The following UNC13C variants were observed in gnomAD, a reference collection of about 807,000 sequenced individuals.
UNC13C encodes the protein unc-13 homolog C.
In UNC13C, 174 loss-of-function variants were observed where a neutral mutation model predicts 245.4. The observed-to-expected ratio is 0.71, with a 90% CI of 0.63 to 0.80. UNC13C has a LOEUF of 0.80. Ranked by LOEUF, UNC13C falls within the 30% of genes least tolerant of loss-of-function variation. UNC13C has a pLI of 0.00. For synonymous variants in UNC13C, 992 were observed against 895.1 expected, an observed-to-expected ratio of 1.11 and a Z score of -1.93; for missense variants, 2,829 against 2,602.9, an observed-to-expected ratio of 1.09 and a Z score of -1.89.
chr15:53,966,220 C>G, the UNC13C span, among the ~76,000 whole-genome samples: 1 of 152,226 alleles, frequency 6.6e-6, no homozygotes, highest in East Asian at 1.9e-4. Context: ...AACCTACTGG[C>G]TTGATTAAAT....
At chr15:54,578,462 T>C (rs924171442) in intron 30 of UNC13C, among the ~76,000 whole-genome samples, 29 of 152,226 alleles carry the variant, frequency 1.9e-4, no homozygotes, top group Admixed American at 5.2e-4. Context: ...AGAATCCCTG[T>C]TTCCTGACTT....
intron 10 of UNC13C, among the ~76,000 whole-genome samples, chr15:54,287,867 A>G (rs2037189155): frequency 6.6e-6 from 1 of 152,180 alleles, no homozygotes; most frequent in South Asian, 2.1e-4. Flanking sequence ...TTCTACATGT[A>G]TGTTTACTTT....
At chr15:54,067,058 TA>T (rs1160555011) in intron 2 of UNC13C, among the ~76,000 whole-genome samples, 3 of 152,182 alleles carry the variant, frequency 2.0e-5, no homozygotes, top group Non-Finnish European at 4.4e-5. Flanking sequence ...CTCATGCTGA[TA>T]TTTTTTAATG....
intron 13 of UNC13C, 90 bp downstream of exon 13, chr15:54,300,463 A>C: frequency 8.0e-7 from 1 of 1,243,170 alleles, no homozygotes; most frequent in Non-Finnish European, 1.1e-6. Flanking sequence ...ATTCAAATGA[A>C]ACTGATTAAA....
At chr15:54,242,599 T>G (rs903911392) in intron 7 of UNC13C, among the ~76,000 whole-genome samples, 3 of 152,168 alleles carry the variant, frequency 2.0e-5, no homozygotes, top group Non-Finnish European at 2.9e-5. Context: ...TTCATTTATT[T>G]ATGCTCTTGT....
intron 6 of UNC13C, 78 bp downstream of exon 6, chr15:54,236,513 G>A (rs2035704986): frequency 2.7e-6 from 3 of 1,121,588 alleles, no homozygotes; most frequent in Non-Finnish European, 3.9e-6. Context: ...TGGGGTAAAA[G>A]AGGGCAAGAA....
intron 2 of UNC13C, among the ~76,000 whole-genome samples, chr15:54,113,806 A>G (rs999228782): frequency 7.9e-5 from 12 of 152,194 alleles, no homozygotes; most frequent in African/African-American, 2.9e-4. Flanking sequence ...AGCCTGGGCA[A>G]CAGAGTGAGA....
intron 2 of UNC13C, among the ~76,000 whole-genome samples, chr15:54,048,347 T>G (rs916983978): frequency 1.3e-5 from 2 of 152,224 alleles, no homozygotes; most frequent in Admixed American, 1.3e-4. Context: ...CTCCAAAAAC[T>G]TTTCTTTTGA....
intron 10 of UNC13C, among the ~76,000 whole-genome samples, chr15:54,276,500 G>T (rs2036835712): frequency 6.6e-6 from 1 of 151,982 alleles, no homozygotes; most frequent in East Asian, 1.9e-4. Context: ...TGGCATTAAT[G>T]GTTTACAGTG....
chr15:53,904,970 C>G, the UNC13C span, among the ~76,000 whole-genome samples: 2 of 151,998 alleles, frequency 1.3e-5, no homozygotes, highest in Admixed American at 6.6e-5. Context: ...TTAAATCTCT[C>G]TAAGGAAAAT....
rs2035738291 is a variant in UNC13C at position 54,237,649 on chromosome 15, C to T, written c.3187C>T (p.Leu1063=). 6.2e-7 allele frequency: 1 copy of T among 1,612,442 alleles called. No individual in the cohort carries two copies. The highest frequency in any genetic ancestry group is 1.3e-5 in the African/African-American group (1 of 74,868). ...TLAARKSGLS[L]AMVIRTSLNN... ...GGCTGCCCGGAAATCTGGACTCTCC[C>T]TGGCTATGGTGATTAGGACATCCCT... The change falls in exon 7 of 33, where the codon CTG becomes TTG. Residue 1063 remains leucine (L), a synonymous_variant. Coordinates refer to ENST00000260323, the MANE Select transcript of UNC13C (RefSeq NM_001080534.3).
the UNC13C span, among the ~76,000 whole-genome samples, chr15:53,841,646 A>C: frequency 1.3e-5 from 2 of 152,194 alleles, no homozygotes. Flanking sequence ...GTAGCTGAGG[A>C]ATAGAAAGTT....
At chr15:54,109,106 T>G (rs948414605) in intron 2 of UNC13C, among the ~76,000 whole-genome samples, 21 of 152,282 alleles carry the variant, frequency 1.4e-4, no homozygotes, top group Admixed American at 3.9e-4. Context: ...ATGACAGACG[T>G]TTCCTATTTG....
intron 2 of UNC13C, among the ~76,000 whole-genome samples, chr15:54,034,756 G>C (rs73416908): frequency 0.022 from 3,326 of 152,218 alleles, 121 homozygotes; most frequent in South Asian, 0.13. Context: ...AGATAATTTT[G>C]ACTACATGAT....
chr15:54,506,047 A>G (rs546160361), intron 22 of UNC13C, among the ~76,000 whole-genome samples: 1 of 152,300 alleles, frequency 6.6e-6, no homozygotes, highest in South Asian at 2.1e-4. Context: ...AACAAAATCT[A>G]TGCTGTTCAG....
chr15:53,993,120 C>T (rs771961835), intron 1 of UNC13C, among the ~76,000 whole-genome samples: 76 of 152,058 alleles, frequency 5.0e-4, no homozygotes, highest in Non-Finnish European at 9.6e-4. Context: ...CTCAGTGCTT[C>T]CTTGCTATCA....
At chr15:54,283,506 A>G (rs2037056080) in intron 10 of UNC13C, among the ~76,000 whole-genome samples, 1 of 152,144 alleles carries the variant, frequency 6.6e-6, no homozygotes, top group Admixed American at 6.6e-5. Context: ...GTATATATAC[A>G]TTATTTAATC....
At chr15:54,287,106 C>T (rs548319380) in intron 10 of UNC13C, among the ~76,000 whole-genome samples, 1 of 152,100 alleles carries the variant, frequency 6.6e-6, no homozygotes, top group African/African-American at 2.4e-5. Flanking sequence ...ACCCTAAACC[C>T]GGGGTCTTGG....
At chr15:54,478,566 G>T (rs1275648884) in intron 19 of UNC13C, among the ~76,000 whole-genome samples, 8 of 132,086 alleles carry the variant, frequency 6.1e-5, no homozygotes, top group African/African-American at 2.3e-4. Context: ...ATTTCATTAT[G>T]TACCCAGTAG....
Sources: allele counts gnomAD v4.1 joint callset (sites outside exome capture counted in the v4.1 genomes callset), GRCh38; gene constraint gnomAD v4.1.1; transcripts MANE v1.5; gene names NCBI Gene and HGNC (gene_info 2026-07-23, HGNC 2026-07-21).